Variants in MUC3A observed in about 807,000 individuals in gnomAD.
The protein encoded by MUC3A is mucin-3A.
Under a neutral mutation model 109.0 loss-of-function variants are expected in MUC3A, and 109 were observed. The observed-to-expected ratio is 1.00, with a 90% CI of 0.86 to 1.17. MUC3A has a LOEUF of 1.17. Ranked by LOEUF, MUC3A falls within the 50% of genes most tolerant of loss-of-function variation. The probability of loss-of-function intolerance (pLI) is 0.00; values close to 1 mark genes in which losing one functional copy is unlikely to be tolerated. For synonymous variants in MUC3A, 1,398 were observed against 981.4 expected, an observed-to-expected ratio of 1.42 and a Z score of -7.93; for missense variants, 3,537 against 2,469.4, an observed-to-expected ratio of 1.43 and a Z score of -9.16.
rs2116186897 is a variant in MUC3A, at chr7:100,958,514, C to T, written c.6735C>T (p.Thr2245=). Residue 2245 remains threonine, a synonymous_variant, in exon 2 of 12, where the codon ACC becomes ACT. Coordinates refer to ENST00000379458, the MANE Select transcript of MUC3A (RefSeq NM_005960.2). ...STPGFTSSIT[T]TETTSHSTPS... is the part of the protein sequence containing the mutation. ...CCGGCTTCACTTCTTCAATCACCAC[C>T]ACTGAGACTACATCCCACAGTACTC... 4 of 1,281,378 alleles carry T rather than the reference C, an allele frequency of 3.1e-6. No homozygotes were observed. In the East Asian group the frequency reaches 6.9e-5, roughly 22 times the overall value. 79.4% of individuals were successfully genotyped at this position (1,281,378 alleles called of 1,614,324 possible).
chr7:100,966,723 G>C lies in MUC3A; in HGVS notation c.9857G>C (p.Gly3286Ala), dbSNP rs1430766733. 7.5e-6 allele frequency: 12 copies of C among 1,598,546 alleles called. No homozygotes were observed. Among genetic ancestry groups the C allele is most frequent in the Non-Finnish European group, 1.0e-5 (12 of 1,179,826 alleles). Residue 3286 changes from glycine to alanine, a missense_variant, in exon 10 of 12, where the codon GGT becomes GCT. Coordinates refer to ENST00000379458, the MANE Select transcript of MUC3A (RefSeq NM_005960.2). ...EEVVGTFSNW[G>A]FEDDGTDKDT... ...GTCGTGGGCACTTTTTCAAACTGGG[G>C]TTTCGAGGACGACGGAACAGGTGAG...
Position 100,954,431 on chromosome 7 carries a change from T to G in MUC3A, c.2652T>G (p.Ser884Arg). The G allele has an allele frequency of 2.7e-6, 1 of 376,530 alleles. No individual in the cohort carries two copies. 23.3% of individuals were successfully genotyped at this position (376,530 alleles called of 1,614,324 possible). ...GCATGACGTCTGCTACCACTCCCAG[T>G]GGAGGACCAACTTTCACAAGTACTG... is the stretch of plus-strand genomic sequence containing the variant. The part of the protein sequence containing the change: ...SVSMTSATTP[S>R]GGPTFTSTEN... The change falls in exon 2 of 12, where the codon AGT (serine) becomes AGG (arginine). Residue 884 changes from serine (S) to arginine (R), a missense_variant. Physicochemically the swap from Ser to Arg is moderately radical, Grantham distance 110 (BLOSUM62 -1). Coordinates refer to ENST00000379458, the MANE Select transcript of MUC3A (RefSeq NM_005960.2).
rs768861842 is a variant in MUC3A, at chr7:100,959,635, C to T, written c.7856C>T (p.Ala2619Val). 1.7e-4 allele frequency: 265 copies of T among 1,597,956 alleles called. No individual in the cohort carries two copies. The African/African-American group carries it at 3.3e-3, about 20-fold the overall frequency. Residue 2619 changes from alanine to valine, a missense_variant, in exon 2 of 12, where the codon GCC becomes GTC. Physicochemically the swap from Ala to Val is moderately conservative, Grantham distance 64. Coordinates refer to ENST00000379458, the MANE Select transcript of MUC3A (RefSeq NM_005960.2). ...STLHTLTPST[A>V]LSTIVSTSQV... ...CTTCATACTCTTACTCCATCAACAGCCTTGAGCACGATCGTGTCAACATCA... is the reference window on the plus strand; with the variant it reads ...CTTCATACTCTTACTCCATCAACAGTCTTGAGCACGATCGTGTCAACATCA...
Position 100,957,082 on chromosome 7 carries a change from C to A in MUC3A, c.5303C>A (p.Thr1768Asn), listed in dbSNP as rs1267112674. The change falls in exon 2 of 12, where the codon ACC becomes AAC. Residue 1768 changes from threonine to asparagine, a missense_variant. Transcript: ENST00000379458. ...SSTPPITSSI[T>N]STYTVTSMTT... ...ACTCCCCCCATCACTTCTTCAATCA[C>A]CTCCACATATACGGTGACTTCGATG... The A allele has an allele frequency of 1.5e-5, 7 of 472,484 alleles. No individual in the cohort carries two copies. The South Asian group carries it at 3.8e-4, about 25-fold the overall frequency. The allele number at this position is 472,484 out of a possible 1,614,324, so 29.3% of individuals were successfully genotyped here.
rs1029160344 is a variant in MUC3A, at chr7:100,957,449, A to C, written c.5670A>C (p.Thr1890=). The C allele has an allele frequency of 1.2e-4, 114 of 935,188 alleles. 1 individual carries two copies. The East Asian group carries it at 3.9e-3, about 32-fold the overall frequency. 57.9% of individuals were successfully genotyped at this position (935,188 alleles called of 1,614,324 possible). ...LTTVTATVPT[T]NLVTTTTKIT... ...CAGTAACAGCCACAGTTCCAACAAC[A>C]AACTTGGTAACCACGACCACCAAGA... Residue 1890 remains threonine (T), a synonymous_variant, in exon 2 of 12, where the codon ACA becomes ACC. Transcript: ENST00000379458.
At position 100,959,034 on chromosome 7, in the gene MUC3A, A is replaced by C. The variant is rs796650107; in HGVS notation, c.7255A>C (p.Thr2419Pro). 3 of 1,565,006 alleles carry C rather than the reference A, an allele frequency of 1.9e-6. No homozygotes were observed. Among genetic ancestry groups the C allele is most frequent in the Non-Finnish European group, 2.6e-6 (3 of 1,164,312 alleles). The change falls in exon 2 of 12, where the codon ACC (threonine) becomes CCC (proline). Residue 2419 changes from threonine to proline, a missense_variant. By Grantham distance (38) the Thr-to-Pro change is conservative. Coordinates refer to ENST00000379458, the MANE Select transcript of MUC3A (RefSeq NM_005960.2). ...TTCTTCAATCACCACCACTGAGACT[A>C]CCTCACACAGTACTCCTGGCTTCAC... is the stretch of plus-strand genomic sequence containing the variant. The part of the protein sequence containing the change: ...LTSSITTTET[T>P]SHSTPGFTSS...
Position 100,968,316 on chromosome 7 carries a change from T to C in MUC3A, c.*1154T>C, listed in dbSNP as rs1257998057. 2 of 152,824 alleles carry C rather than the reference T, an allele frequency of 1.3e-5. No individual in the cohort carries two copies. The highest frequency in any genetic ancestry group is 2.4e-5 in the African/African-American group (1 of 41,496). The allele number at this position is 152,824 out of a possible 1,614,324, so 9.5% of individuals were successfully genotyped here. A position where few individuals can be genotyped will look rare whatever the true frequency, so the allele number is the denominator to read the frequency against. On this transcript the variant is annotated 3_prime_UTR_variant, in exon 12 of 12. Transcript: ENST00000379458. The stretch of plus-strand genomic sequence containing the variant: ...AAGTCGGCACATCTCCAGGTCTTCA[T>C]GTGCACAATACAGAGTTTATTGTAA...
rs752963291 is a variant in MUC3A, at chr7:100,967,171, G to A, written c.*9G>A. ...CCTCGTCCTCAGTGTGAGCCCTGCG[G>A]GGCCCCTTCACCACCCCCTCCGCCC... On this transcript the variant is annotated 3_prime_UTR_variant, in exon 12 of 12. Coordinates refer to ENST00000379458, the MANE Select transcript of MUC3A (RefSeq NM_005960.2). The A allele has an allele frequency of 6.3e-7, 1 of 1,598,536 alleles. No individual in the cohort carries two copies.
intron 3 of MUC3A, among the ~76,000 whole-genome samples, chr7:100,961,486 G>A (rs1792325333): frequency 1.4e-5 from 2 of 141,046 alleles, no homozygotes; most frequent in Admixed American, 1.4e-4. Context: ...AAGGACCCTT[G>A]TGATAACTTT....
rs1792721505 is a variant in MUC3A, at chr7:100,968,326, A to G, written c.*1164A>G. 6.5e-6 allele frequency: 1 copy of G among 152,834 alleles called. No individual in the cohort carries two copies. Among genetic ancestry groups the G allele is most frequent in the African/African-American group, 2.4e-5 (1 of 41,488 alleles). The allele number at this position is 152,834 out of a possible 1,614,324, so 9.5% of individuals were successfully genotyped here. A position where few individuals can be genotyped will look rare whatever the true frequency, so the allele number is the denominator to read the frequency against. ...ATCTCCAGGTCTTCATGTGCACAAT[A>G]CAGAGTTTATTGTAAAAAGCAGCAG... is the stretch of plus-strand genomic sequence containing the variant. On this transcript the variant is annotated 3_prime_UTR_variant, in exon 12 of 12. Coordinates refer to ENST00000379458, the MANE Select transcript of MUC3A (RefSeq NM_005960.2).
At chr7:100,967,078 A>T (rs1455458635) in intron 11 of MUC3A, 43 bp from the exon 12 acceptor site, 14 of 1,598,404 alleles carry the variant, frequency 8.8e-6, no homozygotes, top group Admixed American at 5.0e-5. Context: ...GTCAGCCCAA[A>T]CCAGTGGCTC....
chr7:100,968,148 G>GACTTTTAAA lies in MUC3A; in HGVS notation c.*986_*987insACTTTTAAA, dbSNP rs1792708669. 3.0e-4 allele frequency: 1 copy of GACTTTTAAA among 3,332 alleles called. No individual in the cohort carries two copies. The highest frequency in any genetic ancestry group is 1.0e-3 in the Non-Finnish European group (1 of 970). The allele number at this position is 3,332 out of a possible 1,614,324, so 0.2% of individuals were successfully genotyped here. The stretch of plus-strand genomic sequence containing the variant: ...TTTCCTTCGATCCCCCTCCCTTCTT[G>GACTTTTAAA]CCTCCCCTCTGCCTTTTAAACCCAT... On this transcript the variant is annotated 3_prime_UTR_variant, in exon 12 of 12. Coordinates refer to ENST00000379458, the MANE Select transcript of MUC3A (RefSeq NM_005960.2).
Position 100,960,964 on chromosome 7 carries a change from C to T in MUC3A, c.9052+27C>T, listed in dbSNP as rs367870455. On this transcript the variant is annotated intron_variant, in intron 3 of 11. Coordinates refer to ENST00000379458, the MANE Select transcript of MUC3A (RefSeq NM_005960.2). ...TGAGTTGCCAGAGCTATGCCTTCTG[C>T]ACTTCCTCCCACAGGGTGTCACTGA... 304 of 1,598,356 alleles carry T rather than the reference C, an allele frequency of 1.9e-4. No individual in the cohort carries two copies. The African/African-American group carries it at 3.5e-3, about 19-fold the overall frequency.
intron 10 of MUC3A, 72 bp from the exon 11 acceptor site, chr7:100,966,827 T>C: frequency 6.3e-7 from 1 of 1,598,426 alleles, no homozygotes; most frequent in Non-Finnish European, 8.5e-7. Flanking sequence ...CTTCCTCGCA[T>C]TTACTCCGTC....
chr7:100,960,500 C>T lies in MUC3A; in HGVS notation c.8721C>T (p.Ser2907=). 6.3e-7 allele frequency: 1 copy of T among 1,598,710 alleles called. No homozygotes were observed. The highest frequency in any genetic ancestry group is 8.5e-7 in the Non-Finnish European group (1 of 1,179,828). The change falls in exon 2 of 12, where the codon AGC becomes AGT. Residue 2907 remains serine (S), a synonymous_variant. Coordinates refer to ENST00000379458, the MANE Select transcript of MUC3A (RefSeq NM_005960.2). ...TCCCGACCATCCTGAGGACTTCAAG[C>T]AAGTCAACACACCCCTCCCCACCCA... is the stretch of plus-strand genomic sequence containing the variant. The part of the protein sequence containing the change: ...SSLPTILRTS[S]KSTHPSPPTT...
Position 100,964,790 on chromosome 7 carries a change from A to T in MUC3A, c.9329A>T (p.Lys3110Met). Residue 3110 changes from lysine to methionine, a missense_variant, in exon 6 of 12, where the codon AAG becomes ATG. By Grantham distance (95) the Lys-to-Met change is moderately conservative. Transcript: ENST00000379458. The stretch of plus-strand genomic sequence containing the variant: ...TATGAGCAGGTGAAGACCACGCTGA[A>T]GGAGGGGCTGCAGAACGCCAGCCAG... ...SEYEQVKTTL[K>M]EGLQNASQDV... 1 of 1,598,452 alleles carries T rather than the reference A, an allele frequency of 6.3e-7. No homozygotes were observed. Among genetic ancestry groups the T allele is most frequent in the Non-Finnish European group, 8.5e-7 (1 of 1,179,736 alleles).
chr7:100,964,543 A>C (rs1792455964), intron 5 of MUC3A, 152 bp from the exon 6 acceptor site: 1 of 1,289,050 alleles, frequency 7.8e-7, no homozygotes, highest in South Asian at 1.7e-5. Flanking sequence ...GAATGCTGGC[A>C]GCCCCTTCTG....
chr7:100,966,482 G>A lies in MUC3A; in HGVS notation c.9708G>A (p.Ala3236=). The A allele has an allele frequency of 7.6e-7, 1 of 1,311,884 alleles. No individual in the cohort carries two copies. The highest frequency in any genetic ancestry group is 9.6e-7 in the Non-Finnish European group (1 of 1,039,488). The allele number at this position is 1,311,884 out of a possible 1,614,324, so 81.3% of individuals were successfully genotyped here. The change falls in exon 9 of 12, where the codon GCG becomes GCA. Residue 3236 remains alanine (A), a synonymous_variant. Transcript: ENST00000379458. ...ALVGGLTAGA[A]LLVLLLLALG... ...TCGGGGGCCTGACGGCCGGCGCCGC[G>A]CTGCTGGTGCTGCTGCTGCTGGCGC... is the stretch of plus-strand genomic sequence containing the variant.
chr7:100,960,759 T>C lies in MUC3A; in HGVS notation c.8874T>C (p.Cys2958=), dbSNP rs1158057614. The C allele has an allele frequency of 1.9e-6, 3 of 1,597,172 alleles. No individual in the cohort carries two copies. Among genetic ancestry groups the C allele is most frequent in the Non-Finnish European group, 8.5e-7 (1 of 1,179,126 alleles). Residue 2958 remains cysteine, a synonymous_variant, in exon 3 of 12, where the codon TGT becomes TGC. Coordinates refer to ENST00000379458, the MANE Select transcript of MUC3A (RefSeq NM_005960.2). ...TCTTTCTGTGTTTTCCAGGCACCTGTGACAATGGTGGCACCTGGGAACAGG... is the reference window on the plus strand; with the variant it reads ...TCTTTCTGTGTTTTCCAGGCACCTGCGACAATGGTGGCACCTGGGAACAGG... ...QSTLTTTAGT[C]DNGGTWEQGQ...
Sources: gnomAD v4.1 joint callset for allele counts (sites outside exome capture counted in the v4.1 genomes callset) on GRCh38, gnomAD v4.1.1 for gene constraint, MANE v1.5 for transcripts, NCBI Gene and HGNC (gene_info 2026-07-23, HGNC 2026-07-21) for gene names.